TBC1D9: variants seen among roughly 807,000 people sequenced by gnomAD.
The protein encoded by TBC1D9 is TBC1 domain family member 9, also known as TBC1 domain family member 9A.
Under a neutral mutation model 132.0 loss-of-function variants are expected in TBC1D9, and 63 were observed. That is an observed-to-expected ratio of 0.48 (90% CI 0.39 to 0.59). TBC1D9 has a LOEUF of 0.59. Ranked by LOEUF, TBC1D9 falls within the 20% of genes least tolerant of loss-of-function variation. The pLI is 0.00. For missense variants in TBC1D9, 1,261 were observed against 1,592.7 expected (o/e 0.79, Z 3.54); for synonymous variants, 610 against 609.9 (o/e 1.00, Z 0.00).
At chr4:140,737,256 C>T (rs1738688263) in intron 1 of TBC1D9, among the ~76,000 whole-genome samples, 1 of 152,020 alleles carries the variant, frequency 6.6e-6, no homozygotes, top group Admixed American at 6.6e-5. Flanking sequence ...TACAGAGAAT[C>T]CTAGTGAGGG....
intron 16 of TBC1D9, among the ~76,000 whole-genome samples, chr4:140,632,803 A>T (rs924790105): frequency 6.6e-6 from 1 of 152,236 alleles, no homozygotes; most frequent in African/African-American, 2.4e-5. Flanking sequence ...TTGTGCACAT[A>T]AAAAGCATTA....
At chr4:140,705,512 ATG>A (rs139885350) in intron 1 of TBC1D9, among the ~76,000 whole-genome samples, 53,685 of 141,678 alleles carry the variant, frequency 0.38, 9,743 homozygotes, top group East Asian at 0.51. Context: ...GGGTGTGTGC[ATG>A]TGTGTGTGTG....
chr4:140,650,522 A>G (rs982626630), intron 13 of TBC1D9, among the ~76,000 whole-genome samples: 1 of 151,966 alleles, frequency 6.6e-6, no homozygotes, highest in African/African-American at 2.4e-5. Context: ...TCTGCTCTAG[A>G]GTATTTTCTT....
At chr4:140,637,966 G>A (rs1461988091) in intron 15 of TBC1D9, among the ~76,000 whole-genome samples, 1 of 152,228 alleles carries the variant, frequency 6.6e-6, no homozygotes, top group Non-Finnish European at 1.5e-5. Context: ...CAAAGGCAGA[G>A]ACTCTAGTAT....
chr4:140,734,170 C>CT (rs978456630), intron 1 of TBC1D9, among the ~76,000 whole-genome samples: 4 of 152,210 alleles, frequency 2.6e-5, no homozygotes, highest in Admixed American at 6.5e-5. Context: ...CAGTCTCACT[C>CT]TATCTCCTGG....
intron 9 of TBC1D9, among the ~76,000 whole-genome samples, chr4:140,666,431 G>T (rs1737445406): frequency 1.3e-5 from 2 of 152,168 alleles, no homozygotes; most frequent in African/African-American, 4.8e-5. Flanking sequence ...CGCCTCCCGG[G>T]TTCACGCCAT....
At chr4:140,636,873 C>T (rs1736889393) in intron 15 of TBC1D9, among the ~76,000 whole-genome samples, 1 of 152,218 alleles carries the variant, frequency 6.6e-6, no homozygotes, top group South Asian at 2.1e-4. Context: ...TCCCACCTGA[C>T]ACCAACCGAG....
At chr4:140,642,979 G>A (rs540150542) in intron 13 of TBC1D9, 6 of 681,690 alleles carry the variant, frequency 8.8e-6, no homozygotes, top group East Asian at 8.2e-5. Flanking sequence ...ACCTCGGCCC[G>A]CCACATTCTG....
At chr4:140,654,473 G>GT (rs752355706) in intron 13 of TBC1D9, among the ~76,000 whole-genome samples, 17 of 96,136 alleles carry the variant, frequency 1.8e-4, no homozygotes, top group African/African-American at 3.4e-4. Flanking sequence ...GAAGAAAGGG[G>GT]TGGGGGGGGG....
At chr4:140,701,722 T>C in intron 1 of TBC1D9, 108 bp from the exon 2 acceptor site, 1 of 786,018 alleles carries the variant, frequency 1.3e-6, no homozygotes, top group Non-Finnish European at 2.1e-6. Context: ...AACAACCCCA[T>C]CTCCCACTGA....
intron 2 of TBC1D9, among the ~76,000 whole-genome samples, chr4:140,690,362 C>T (rs1228377065): frequency 6.6e-6 from 1 of 152,158 alleles, no homozygotes; most frequent in African/African-American, 2.4e-5. Context: ...CCCCACCATC[C>T]ACCTCCAACA....
At chr4:140,698,633 G>C (rs1382346292) in intron 2 of TBC1D9, among the ~76,000 whole-genome samples, 11 of 151,828 alleles carry the variant, frequency 7.2e-5, no homozygotes, top group Non-Finnish European at 1.5e-4. Flanking sequence ...AGCTACTCAG[G>C]AGGCTGAGTC....
Position 140,634,198 on chromosome 4 carries a change from AATGG to A in TBC1D9, c.2506-14_2506-11del, listed in dbSNP as rs775956821. 939 of 1,610,790 alleles carry A rather than the reference AATGG, an allele frequency of 5.8e-4. No individual in the cohort carries two copies. The highest frequency in any genetic ancestry group is 6.6e-4 in the Middle Eastern group (4 of 6,056). ...TGGTGAGATGTTCTGCCTGAAAAAG[AATGG>A]ATGATCACTGGGGACCCTCTTTTGC... On this transcript the variant is annotated splice_polypyrimidine_tract_variant and intron_variant, in intron 15 of 20. Coordinates refer to ENST00000442267, the MANE Select transcript of TBC1D9 (RefSeq NM_015130.3).
At position 140,686,207 on chromosome 4, in the gene TBC1D9, A is replaced by G. The variant is rs573876464; in HGVS notation, c.360+137T>C. ...GAGGAGGCAAACACACATATGAGAA[A>G]GCAAATGCAGTAAAATGTTAACAGG... On this transcript the variant is annotated intron_variant, in intron 3 of 20. Transcript: ENST00000442267. 4 of 581,562 alleles carry G rather than the reference A, an allele frequency of 6.9e-6. No individual in the cohort carries two copies. In the South Asian group the frequency reaches 9.2e-5, roughly 13 times the overall value. The allele number at this position is 581,562 out of a possible 1,614,324, so 36.0% of individuals were successfully genotyped here.
intron 1 of TBC1D9, among the ~76,000 whole-genome samples, chr4:140,734,485 A>G (rs1418718682): frequency 2.0e-5 from 3 of 152,158 alleles, no homozygotes; most frequent in African/African-American, 2.4e-5. Context: ...GAATCCTAAT[A>G]CCATATTAGG....
At chr4:140,657,948 G>C (rs962873666) in intron 11 of TBC1D9, 136 bp from the exon 12 acceptor site, 7 of 980,526 alleles carry the variant, frequency 7.1e-6, no homozygotes, top group Non-Finnish European at 1.1e-5. Context: ...ACTGTTACTA[G>C]ACCAAGGTGT....
intron 1 of TBC1D9, among the ~76,000 whole-genome samples, chr4:140,731,139 C>T (rs575978901): frequency 7.2e-5 from 11 of 152,226 alleles, no homozygotes; most frequent in East Asian, 1.9e-4. Context: ...GGAAGACTGC[C>T]TGTGTTTACA....
intron 3 of TBC1D9, among the ~76,000 whole-genome samples, chr4:140,683,848 G>T (rs924163878): frequency 1.3e-5 from 2 of 152,206 alleles, no homozygotes; most frequent in South Asian, 4.1e-4. Context: ...TCCAAATTTT[G>T]TAATCTATCC....
At chr4:140,749,205 T>TA (rs201246654) in intron 1 of TBC1D9, among the ~76,000 whole-genome samples, 1,593 of 148,858 alleles carry the variant, frequency 0.011, 10 homozygotes, top group Admixed American at 0.019. Flanking sequence ...GGCTTTCCTT[T>TA]AAAAAAATAA....
Sources: allele counts gnomAD v4.1 joint callset (sites outside exome capture counted in the v4.1 genomes callset), GRCh38; gene constraint gnomAD v4.1.1; transcripts MANE v1.5; gene names NCBI Gene and HGNC (gene_info 2026-07-23, HGNC 2026-07-21).